NBAS: variants seen among roughly 807,000 people sequenced by gnomAD.
NBAS encodes the protein NBAS subunit of NRZ tethering complex, also known as NAG/BC035112 fusion.
A neutral mutation model predicts 302.5 loss-of-function variants in NBAS; 219 were observed. The observed-to-expected ratio is 0.72, with a 90% confidence interval of 0.65 to 0.81. The LOEUF (loss-of-function observed/expected upper bound fraction) is 0.81. NBAS is among the 30% of genes least tolerant of loss of function. The pLI is 0.00. For synonymous variants in NBAS, 1,118 were observed against 1,021.6 expected (o/e 1.09, Z -1.80); for missense variants, 2,932 against 2,841.6 (o/e 1.03, Z -0.72).
chr2:15,038,756 T>C, the NBAS span, among the ~76,000 whole-genome samples: 3 of 152,208 alleles, frequency 2.0e-5, no homozygotes, highest in African/African-American at 7.2e-5. Flanking sequence ...TATCTCCCAC[T>C]GAATTCACTC....
At chr2:14,900,183 C>T in the NBAS span, among the ~76,000 whole-genome samples, 1 of 150,686 alleles carries the variant, frequency 6.6e-6, no homozygotes, top group Non-Finnish European at 1.5e-5. Context: ...TGCTCAGCTG[C>T]TTTTCTCTCT....
the NBAS span, among the ~76,000 whole-genome samples, chr2:15,152,823 T>C: frequency 6.6e-6 from 1 of 152,254 alleles, no homozygotes; most frequent in African/African-American, 2.4e-5. Flanking sequence ...GGAGCCAATC[T>C]GTATACAGTT....
chr2:15,019,024 A>C, the NBAS span, among the ~76,000 whole-genome samples: 1 of 152,186 alleles, frequency 6.6e-6, no homozygotes, highest in African/African-American at 2.4e-5. Flanking sequence ...TTTGCATTTC[A>C]ATAAGCCACA....
chr2:14,986,321 G>T, the NBAS span, among the ~76,000 whole-genome samples: 1 of 151,774 alleles, frequency 6.6e-6, no homozygotes, highest in African/African-American at 2.4e-5. Context: ...CCAACATATA[G>T]AGTAGCCCAT....
At chr2:15,131,920 T>C in the NBAS span, among the ~76,000 whole-genome samples, 1 of 152,142 alleles carries the variant, frequency 6.6e-6, no homozygotes, top group Non-Finnish European at 1.5e-5. Context: ...TACCAGATCA[T>C]GCAAGAACTC....
At chr2:15,354,084 A>G (rs1558264196) in intron 33 of NBAS, among the ~76,000 whole-genome samples, 1 of 152,334 alleles carries the variant, frequency 6.6e-6, no homozygotes, top group East Asian at 1.9e-4. Context: ...GAGAGCTTTA[A>G]GAAAGAGCCA....
At chr2:15,392,669 CTT>C (rs574487975) in intron 28 of NBAS, among the ~76,000 whole-genome samples, 48 of 151,954 alleles carry the variant, frequency 3.2e-4, no homozygotes, top group Admixed American at 5.2e-4. Context: ...GATTGGAAGA[CTT>C]AATATTGATT....
chr2:15,292,852 G>A, intron 40 of NBAS, 86 bp from the exon 41 acceptor site: 1 of 1,304,150 alleles, frequency 7.7e-7, no homozygotes, highest in Non-Finnish European at 1.1e-6. Flanking sequence ...GACCATGTCT[G>A]CAAGGAACTG....
At chr2:14,809,695 TG>T in the NBAS span, among the ~76,000 whole-genome samples, 2 of 152,200 alleles carry the variant, frequency 1.3e-5, no homozygotes, top group Non-Finnish European at 2.9e-5. Context: ...GGCTACCACC[TG>T]GTGGAGCTGT....
At chr2:15,393,544 T>G in intron 28 of NBAS, 1 of 383,348 alleles carries the variant, frequency 2.6e-6, no homozygotes, top group Non-Finnish European at 5.3e-6. Flanking sequence ...GTTTGGCAGT[T>G]TTTGAAAGTT....
intron 49 of NBAS, among the ~76,000 whole-genome samples, chr2:15,187,705 T>C (rs1665154258): frequency 6.6e-6 from 1 of 152,174 alleles, no homozygotes; most frequent in Non-Finnish European, 1.5e-5. Flanking sequence ...TTTACTTACA[T>C]TAAGAAAAAA....
At chr2:15,260,125 T>C (rs928604766) in intron 44 of NBAS, among the ~76,000 whole-genome samples, 4 of 152,236 alleles carry the variant, frequency 2.6e-5, no homozygotes, top group African/African-American at 9.6e-5. Flanking sequence ...AATGTGAATA[T>C]TTAAAATGTG....
chr2:15,518,920 G>A (rs1236456318), intron 9 of NBAS, among the ~76,000 whole-genome samples: 2 of 152,000 alleles, frequency 1.3e-5, no homozygotes, highest in African/African-American at 4.8e-5. Flanking sequence ...GAAGAACATG[G>A]GAAAGACTCG....
At chr2:15,223,743 C>T (rs893915630) in intron 47 of NBAS, among the ~76,000 whole-genome samples, 2 of 151,396 alleles carry the variant, frequency 1.3e-5, no homozygotes, top group East Asian at 3.9e-4. Context: ...GCAGGAGAAT[C>T]GCTTGAACTA....
chr2:15,481,845 A>T (rs1680440573), intron 12 of NBAS, among the ~76,000 whole-genome samples: 1 of 152,178 alleles, frequency 6.6e-6, no homozygotes, highest in Admixed American at 6.5e-5. Context: ...TTCTTCTCCA[A>T]GGTTCATCAC....
At chr2:15,236,826 A>G (rs1416563436) in intron 45 of NBAS, among the ~76,000 whole-genome samples, 1 of 152,096 alleles carries the variant, frequency 6.6e-6, no homozygotes, top group African/African-American at 2.4e-5. Flanking sequence ...TGTTCATACC[A>G]TTATTTAACA....
At chr2:14,787,728 G>T in the NBAS span, among the ~76,000 whole-genome samples, 2 of 152,160 alleles carry the variant, frequency 1.3e-5, no homozygotes, top group Non-Finnish European at 2.9e-5. Context: ...TGGGTAACCC[G>T]ACCTTTCTCT....
chr2:15,429,340 C>T (rs972211108), intron 21 of NBAS, among the ~76,000 whole-genome samples: 2 of 152,142 alleles, frequency 1.3e-5, no homozygotes, highest in Non-Finnish European at 2.9e-5. Context: ...CTCAATAAAA[C>T]ATTTTCTCTA....
At chr2:15,512,567 T>C (rs537318516) in intron 9 of NBAS, among the ~76,000 whole-genome samples, 32 of 152,114 alleles carry the variant, frequency 2.1e-4, no homozygotes, top group Non-Finnish European at 4.0e-4. Context: ...ATTATTCAGG[T>C]GGCCCCGAAG....
Sources: gnomAD v4.1 joint callset for allele counts (sites outside exome capture counted in the v4.1 genomes callset) on GRCh38, gnomAD v4.1.1 for gene constraint, MANE v1.5 for transcripts, NCBI Gene and HGNC (gene_info 2026-07-23, HGNC 2026-07-21) for gene names.